GALNT13: variants seen among roughly 807,000 people sequenced by gnomAD.
The protein encoded by GALNT13 is UDP-GalNAc:polypeptide N-acetylgalactosaminyltransferase 13.
GALNT13 carries 28 observed loss-of-function variants against 64.2 expected under a neutral mutation model. That is an observed-to-expected ratio of 0.44 (90% CI 0.32 to 0.60). The LOEUF is 0.60. Among genes scored for constraint, GALNT13 ranks in the 20% least tolerant of loss-of-function variants. The pLI is 0.05. For synonymous variants in GALNT13, 214 were observed against 224.6 expected (o/e 0.95, Z 0.42); for missense variants, 577 against 669.8 (o/e 0.86, Z 1.53).
At chr2:153,855,473 C>T in the GALNT13 span, among the ~76,000 whole-genome samples, 1 of 152,096 alleles carries the variant, frequency 6.6e-6, no homozygotes, top group Non-Finnish European at 1.5e-5. Context: ...TGTCAATAAG[C>T]ACATGGAAAA....
chr2:153,758,211 T>G, the GALNT13 span, among the ~76,000 whole-genome samples: 45 of 152,250 alleles, frequency 3.0e-4, no homozygotes, highest in Non-Finnish European at 5.7e-4. Flanking sequence ...ATACCCAAAT[T>G]TCCCCATATC....
At chr2:153,515,686 T>G in the GALNT13 span, among the ~76,000 whole-genome samples, 2 of 152,182 alleles carry the variant, frequency 1.3e-5, no homozygotes, top group African/African-American at 2.4e-5. Context: ...TTAGTGGTGG[T>G]ACCCAGTGCA....
chr2:154,373,247 A>G (rs1017097497), intron 9 of GALNT13, among the ~76,000 whole-genome samples: 1 of 152,152 alleles, frequency 6.6e-6, no homozygotes, highest in Admixed American at 6.5e-5. Flanking sequence ...TAAAAAGAAA[A>G]AATACATTGA....
chr2:153,336,434 T>C, the GALNT13 span, among the ~76,000 whole-genome samples: 2 of 152,314 alleles, frequency 1.3e-5, no homozygotes, highest in South Asian at 2.1e-4. Flanking sequence ...CAGCATGACC[T>C]GGATGTGAGA....
chr2:153,639,114 TA>T, the GALNT13 span, among the ~76,000 whole-genome samples: 1 of 151,856 alleles, frequency 6.6e-6, no homozygotes, highest in Non-Finnish European at 1.5e-5. Context: ...AGAGGGATGG[TA>T]AAGAGATCAG....
the GALNT13 span, among the ~76,000 whole-genome samples, chr2:153,494,106 C>T: frequency 1.9e-4 from 29 of 151,862 alleles, no homozygotes. Context: ...TCTTCACTTA[C>T]AACTATTGAA....
the GALNT13 span, among the ~76,000 whole-genome samples, chr2:153,136,573 C>T: frequency 6.6e-6 from 1 of 152,078 alleles, no homozygotes; most frequent in African/African-American, 2.4e-5. Context: ...TTTTCAGCCA[C>T]TCAGCTAAAA....
chr2:153,134,367 G>C, the GALNT13 span, among the ~76,000 whole-genome samples: 1 of 151,654 alleles, frequency 6.6e-6, no homozygotes, highest in African/African-American at 2.4e-5. Context: ...ATATAGGTAT[G>C]AATAAGAACA....
chr2:153,721,130 A>T, the GALNT13 span, among the ~76,000 whole-genome samples: 8 of 147,122 alleles, frequency 5.4e-5, no homozygotes, highest in Admixed American at 1.4e-4. Flanking sequence ...AAACCCTACA[A>T]GCCAGAAGAG....
chr2:153,457,782 A>G, the GALNT13 span, among the ~76,000 whole-genome samples: 11 of 152,248 alleles, frequency 7.2e-5, no homozygotes, highest in African/African-American at 2.4e-4. Context: ...TTTATTGCAT[A>G]ACTCTCCATT....
intron 7 of GALNT13, among the ~76,000 whole-genome samples, chr2:154,249,741 A>T: frequency 6.6e-6 from 1 of 152,222 alleles, no homozygotes; most frequent in East Asian, 1.9e-4. Flanking sequence ...AGAGTTTTAG[A>T]TGTTCTTTTA....
At position 153,894,602 on chromosome 2, in the gene GALNT13, G is replaced by A. The variant is rs181929527; in HGVS notation, c.-176-6334G>A. Among the ~76,000 whole-genome samples the A allele has an allele frequency of 8.0e-4, 122 of 151,962 alleles. 1 individual carries two copies. Among genetic ancestry groups the A allele is most frequent in the Non-Finnish European group, 1.5e-3 (104 of 67,948 alleles). Reference sequence around the variant, plus strand: ...GACAGGGAGGGAGGAAAAGAGGGAGGACATACTAGGGATGACTTTTGAAGT... The same window carrying A: ...GACAGGGAGGGAGGAAAAGAGGGAGAACATACTAGGGATGACTTTTGAAGT... On this transcript the variant is annotated intron_variant, in intron 1 of 12. Transcript: ENST00000392825.
At chr2:154,032,120 T>C (rs1698376743) in intron 3 of GALNT13, among the ~76,000 whole-genome samples, 1 of 151,612 alleles carries the variant, frequency 6.6e-6, no homozygotes, top group Non-Finnish European at 1.5e-5. Flanking sequence ...CTAATAAATA[T>C]AGAAGCAGCA....
chr2:153,566,348 G>GTTTTTTTTTTTTTTT, the GALNT13 span, among the ~76,000 whole-genome samples: 69 of 74,798 alleles, frequency 9.2e-4, 3 homozygotes, highest in East Asian at 4.7e-3. Context: ...TTCTAATCAC[G>GTTTTTTTTTTTTTTT]TTTTTTTTTT....
intron 2 of GALNT13, among the ~76,000 whole-genome samples, chr2:153,914,268 G>C (rs1457410110): frequency 6.6e-6 from 1 of 152,092 alleles, no homozygotes; most frequent in African/African-American, 2.4e-5. Flanking sequence ...TGATGTCCTT[G>C]AGGTCAGGAG....
chr2:153,890,273 T>G (rs918346845), intron 1 of GALNT13, among the ~76,000 whole-genome samples: 1 of 152,050 alleles, frequency 6.6e-6, no homozygotes, highest in Non-Finnish European at 1.5e-5. Flanking sequence ...TGTGTTTTAG[T>G]AAATGTGTTC....
the GALNT13 span, among the ~76,000 whole-genome samples, chr2:153,283,268 G>T: frequency 6.6e-6 from 1 of 152,222 alleles, no homozygotes. Context: ...TAGTCATGGA[G>T]CTGAGAAATC....
intron 7 of GALNT13, among the ~76,000 whole-genome samples, chr2:154,256,994 A>C (rs996324013): frequency 6.6e-6 from 1 of 152,202 alleles, no homozygotes; most frequent in African/African-American, 2.4e-5. Flanking sequence ...AACGTGTTGC[A>C]TAACATTGGC....
At chr2:153,753,953 C>T in the GALNT13 span, among the ~76,000 whole-genome samples, 1 of 152,216 alleles carries the variant, frequency 6.6e-6, no homozygotes, top group Non-Finnish European at 1.5e-5. Flanking sequence ...GTTTTCTCTC[C>T]CTTTTCTAAT....
Sources: gnomAD v4.1 joint callset for allele counts (sites outside exome capture counted in the v4.1 genomes callset) on GRCh38, gnomAD v4.1.1 for gene constraint, MANE v1.5 for transcripts, NCBI Gene and HGNC (gene_info 2026-07-23, HGNC 2026-07-21) for gene names.